Variants in SYT9 observed in about 807,000 individuals in gnomAD.
SYT9 encodes the protein synaptotagmin 9.
In SYT9, 22 loss-of-function variants were observed where a neutral mutation model predicts 48.4. The ratio of observed to expected loss-of-function variants is 0.45; its 90% CI spans 0.32 to 0.65. The LOEUF (loss-of-function observed/expected upper bound fraction) is 0.65. Among genes scored for constraint, SYT9 ranks in the 30% least tolerant of loss-of-function variants. The probability of loss-of-function intolerance (pLI) is 0.03; values close to 1 mark genes in which losing one functional copy is unlikely to be tolerated. For missense variants in SYT9, 577 were observed against 622.0 expected (o/e 0.93, Z 0.77); for synonymous variants, 265 against 245.0 (o/e 1.08, Z -0.76).
chr11:7,249,731 C>T (rs1046492507), upstream of SYT9, among the ~76,000 whole-genome samples: 35 of 152,104 alleles, frequency 2.3e-4, no homozygotes, highest in African/African-American at 8.2e-4. Context: ...TTTGTAACAG[C>T]CCAAAGATAC....
chr11:7,303,378 C>T lies in SYT9; in HGVS notation c.485C>T (p.Thr162Ile). Residue 162 changes from threonine to isoleucine, a missense_variant, in exon 2 of 7, where the codon ACC becomes ATC. Coordinates refer to ENST00000318881, the MANE Select transcript of SYT9 (RefSeq NM_175733.4). Reference protein sequence around the residue: ...VRVQRQVTEPTSSARHNSIRR... With the variant: ...VRVQRQVTEPISSARHNSIRR... ...GTGCAGCGCCAAGTCACAGAGCCAACCTCGTCGGCCCGGTCAGTAATGCCT... is the reference window on the plus strand; with the variant it reads ...GTGCAGCGCCAAGTCACAGAGCCAATCTCGTCGGCCCGGTCAGTAATGCCT... 1 of 1,607,412 alleles carries T rather than the reference C, an allele frequency of 6.2e-7. No individual in the cohort carries two copies. Among genetic ancestry groups the T allele is most frequent in the Non-Finnish European group, 8.5e-7 (1 of 1,177,804 alleles).
chr11:7,460,661 TAGTTA>T (rs1456953124), intron 6 of SYT9, among the ~76,000 whole-genome samples: 4 of 152,230 alleles, frequency 2.6e-5, no homozygotes, highest in East Asian at 1.9e-4. Flanking sequence ...TAAATTTAAC[TAGTTA>T]AGTTATTCTA....
chr11:7,258,935 C>A (rs1848027818), intron 1 of SYT9, among the ~76,000 whole-genome samples: 2 of 152,030 alleles, frequency 1.3e-5, no homozygotes, highest in Non-Finnish European at 2.9e-5. Flanking sequence ...GTTATTTAAC[C>A]TCTGTGTCCT....
intron 3 of SYT9, among the ~76,000 whole-genome samples, chr11:7,363,064 T>C (rs1052763974): frequency 6.9e-6 from 1 of 145,028 alleles, no homozygotes; most frequent in Non-Finnish European, 1.5e-5. Flanking sequence ...AAACATTCCA[T>C]GAGTCACCAG....
At chr11:7,457,586 C>A (rs1246656341) in intron 6 of SYT9, 1 of 152,134 alleles carries the variant, frequency 6.6e-6, no homozygotes, top group African/African-American at 2.4e-5. Flanking sequence ...TAGATAAATT[C>A]TCCATGTCAA....
intron 3 of SYT9, among the ~76,000 whole-genome samples, chr11:7,405,457 A>G (rs1846990487): frequency 6.6e-6 from 1 of 152,202 alleles, no homozygotes; most frequent in Non-Finnish European, 1.5e-5. Flanking sequence ...ACAAATCAGC[A>G]TCAGCTCATG....
At chr11:7,270,041 A>G (rs921097220) in intron 1 of SYT9, among the ~76,000 whole-genome samples, 1 of 152,224 alleles carries the variant, frequency 6.6e-6, no homozygotes, top group African/African-American at 2.4e-5. Context: ...AATGAATGAT[A>G]GAGAATTAAC....
At chr11:7,293,902 T>C (rs1848739094) in intron 1 of SYT9, among the ~76,000 whole-genome samples, 1 of 152,178 alleles carries the variant, frequency 6.6e-6, no homozygotes, top group South Asian at 2.1e-4. Flanking sequence ...GGGTTTTATA[T>C]TTGTATAAGA....
At chr11:7,297,071 TGTGTG>T (rs1848824921) in intron 1 of SYT9, among the ~76,000 whole-genome samples, 1 of 148,720 alleles carries the variant, frequency 6.7e-6, no homozygotes, top group Admixed American at 6.7e-5. Flanking sequence ...TGTGTGTGTG[TGTGTG>T]TGTGTGTGTG....
At chr11:7,393,331 T>G (rs1250072358) in intron 3 of SYT9, among the ~76,000 whole-genome samples, 1 of 151,936 alleles carries the variant, frequency 6.6e-6, no homozygotes, top group Non-Finnish European at 1.5e-5. Context: ...ATGTTGAATT[T>G]TATCTAAAGC....
chr11:7,308,643 T>C (rs1188925548), intron 2 of SYT9, among the ~76,000 whole-genome samples: 1 of 152,158 alleles, frequency 6.6e-6, no homozygotes, highest in East Asian at 1.9e-4. Flanking sequence ...CCAGCTCAAG[T>C]ATCATCTCCT....
chr11:7,359,286 T>A (rs1850082271), intron 3 of SYT9, among the ~76,000 whole-genome samples: 1 of 113,260 alleles, frequency 8.8e-6, no homozygotes, highest in Non-Finnish European at 1.8e-5. Flanking sequence ...GTCTTTGCTA[T>A]TGTGAATAGT....
At chr11:7,370,834 G>A (rs553171000) in intron 3 of SYT9, among the ~76,000 whole-genome samples, 1 of 152,124 alleles carries the variant, frequency 6.6e-6, no homozygotes, top group Non-Finnish European at 1.5e-5. Flanking sequence ...TATTGTGAAT[G>A]AAAGGAAATG....
At chr11:7,257,722 A>G (rs944074868) in intron 1 of SYT9, among the ~76,000 whole-genome samples, 40 of 152,282 alleles carry the variant, frequency 2.6e-4, no homozygotes, top group African/African-American at 8.9e-4. Context: ...AGAGTCTTCT[A>G]AGGAATGAGT....
intron 3 of SYT9, among the ~76,000 whole-genome samples, chr11:7,395,147 G>C (rs1846726260): frequency 3.3e-5 from 5 of 151,936 alleles, no homozygotes; most frequent in Admixed American, 1.3e-4. Flanking sequence ...CCAATTTGCA[G>C]TCTCTTATCC....
intron 1 of SYT9, among the ~76,000 whole-genome samples, chr11:7,277,254 C>T (rs952812236): frequency 9.9e-5 from 15 of 152,110 alleles, no homozygotes; most frequent in African/African-American, 3.1e-4. Context: ...AATGACCCAT[C>T]GAGATAGATT....
chr11:7,426,767 A>C (rs1005486823), intron 6 of SYT9, among the ~76,000 whole-genome samples: 19 of 152,184 alleles, frequency 1.2e-4, no homozygotes, highest in African/African-American at 4.3e-4. Context: ...GGTGGAAACA[A>C]TATATATCTT....
In SYT9 at chr11:7,310,625, T is replaced by C. The variant is rs184185879; in HGVS notation, c.498-2770T>C. ...CCACGCCTGGCTACTTTTTTGTATT[T>C]TTAGCAGAGATGGGGTTTCACTGTG... On this transcript the variant is annotated intron_variant, in intron 2 of 6. Coordinates refer to ENST00000318881, the MANE Select transcript of SYT9 (RefSeq NM_175733.4). Among the ~76,000 whole-genome samples, 454 of 152,076 alleles carry C rather than the reference T, an allele frequency of 3.0e-3. 1 individual carries two copies. The highest frequency in any genetic ancestry group is 8.6e-3 in the Admixed American group (132 of 15,286).
At chr11:7,258,835 T>C (rs1848026105) in intron 1 of SYT9, among the ~76,000 whole-genome samples, 1 of 152,160 alleles carries the variant, frequency 6.6e-6, no homozygotes. Context: ...TGTTTTACCA[T>C]TTGTAATTAT....
Sources: gnomAD v4.1 joint callset for allele counts (sites outside exome capture counted in the v4.1 genomes callset) on GRCh38, gnomAD v4.1.1 for gene constraint, MANE v1.5 for transcripts, NCBI Gene and HGNC (gene_info 2026-07-23, HGNC 2026-07-21) for gene names.